ZNF423: variants seen among roughly 807,000 people sequenced by gnomAD.
ZNF423 encodes Ebf-associated zinc finger protein.
In ZNF423, 12 loss-of-function variants were observed where a neutral mutation model predicts 95.8. The observed-to-expected ratio is 0.13, with a 90% CI of 0.08 to 0.20. ZNF423 has a LOEUF of 0.20. ZNF423 is among the 10% of genes least tolerant of loss of function. The pLI is 1.00. For missense variants in ZNF423, 1,316 were observed against 1,737.1 expected (o/e 0.76, Z 4.31); for synonymous variants, 749 against 711.9 (o/e 1.05, Z -0.83).
chr16:49,731,059 AT>A, intron 2 of ZNF423, 88 bp from the exon 3 acceptor site: 1 of 1,438,808 alleles, frequency 7.0e-7, no homozygotes, highest in Non-Finnish European at 9.6e-7. Context: ...ATTAAGATAC[AT>A]TTAATTACTC....
intron 3 of ZNF423, among the ~76,000 whole-genome samples, chr16:49,688,183 G>T (rs1436258823): frequency 2.0e-5 from 3 of 151,580 alleles, no homozygotes; most frequent in Non-Finnish European, 2.9e-5. Flanking sequence ...TTTGAGCTCA[G>T]CGGCAGAAAA....
chr16:49,529,011 G>A (rs753085740), intron 5 of ZNF423, among the ~76,000 whole-genome samples: 12 of 151,826 alleles, frequency 7.9e-5, no homozygotes, highest in South Asian at 2.1e-4. Context: ...GTGCTCGGCC[G>A]ACACCTTGGA....
intron 3 of ZNF423, among the ~76,000 whole-genome samples, chr16:49,639,826 G>A (rs1043030189): frequency 2.0e-5 from 3 of 152,120 alleles, no homozygotes; most frequent in African/African-American, 7.2e-5. Flanking sequence ...TTGCTGGCCC[G>A]GCTAGCCTCA....
intron 1 of ZNF423, among the ~76,000 whole-genome samples, chr16:49,803,305 T>C (rs1022976827): frequency 6.6e-5 from 10 of 152,082 alleles, no homozygotes; most frequent in African/African-American, 2.4e-4. Context: ...CTATTATCAA[T>C]GATGGCCTGA....
intron 1 of ZNF423, among the ~76,000 whole-genome samples, chr16:49,813,178 T>G (rs1234834516): frequency 6.6e-6 from 1 of 152,022 alleles, no homozygotes; most frequent in Non-Finnish European, 1.5e-5. Context: ...TAGACTGGAC[T>G]TCCCCCAAAT....
chr16:49,550,354 C>T (rs927595452), intron 5 of ZNF423, among the ~76,000 whole-genome samples: 3 of 152,256 alleles, frequency 2.0e-5, no homozygotes, highest in Non-Finnish European at 4.4e-5. Context: ...TGTTCTGCTC[C>T]GCCCTACTGT....
intron 3 of ZNF423, among the ~76,000 whole-genome samples, chr16:49,678,983 C>G (rs911864122): frequency 5.9e-5 from 9 of 152,228 alleles, no homozygotes; most frequent in Admixed American, 1.3e-4. Context: ...GGGCCTCAGT[C>G]AACCCAGTGG....
chr16:49,769,440 A>T (rs2033991917), intron 2 of ZNF423, among the ~76,000 whole-genome samples: 1 of 151,994 alleles, frequency 6.6e-6, no homozygotes, highest in African/African-American at 2.4e-5. Context: ...ACCTCTGCTT[A>T]CCTCCTGACC....
chr16:49,539,184 C>T (rs1448575355), intron 5 of ZNF423, among the ~76,000 whole-genome samples: 4 of 152,158 alleles, frequency 2.6e-5, no homozygotes, highest in African/African-American at 9.7e-5. Flanking sequence ...TGGACACCAG[C>T]CCTGGAGCAT....
chr16:49,757,167 CA>C (rs1287550526), intron 2 of ZNF423, among the ~76,000 whole-genome samples: 2 of 152,216 alleles, frequency 1.3e-5, no homozygotes, highest in East Asian at 3.9e-4. Context: ...ACAACAAAGA[CA>C]AAAAAATAGA....
At chr16:49,704,483 T>A (rs778576594) in intron 3 of ZNF423, among the ~76,000 whole-genome samples, 1 of 152,168 alleles carries the variant, frequency 6.6e-6, no homozygotes, top group Non-Finnish European at 1.5e-5. Context: ...AGGAAGCCCA[T>A]TAGTCAGTCA....
intron 7 of ZNF423, among the ~76,000 whole-genome samples, chr16:49,499,897 C>A (rs1322829180): frequency 1.3e-5 from 2 of 152,154 alleles, no homozygotes; most frequent in Non-Finnish European, 2.9e-5. Context: ...AGCCCGTAAA[C>A]AGGCTCCCAT....
rs946864539 is a variant in ZNF423, at chr16:49,638,404, G to A, written c.772C>T (p.His258Tyr). ...GCTTCCTTCTCCGACTTGGCCAGAT[G>A]CTCCTTGTTCTTTTTGTGGGCCTGC... ...HMQAHKKNKE[H>Y]LAKSEKEAKK... The change falls in exon 4 of 8, where the codon CAT becomes TAT. Residue 258 changes from histidine (H) to tyrosine (Y), a missense_variant. This residue lies in a region of ZNF423 where 399 missense variants were observed against 478.5 expected (regional missense o/e 0.83). Coordinates refer to ENST00000563137, the MANE Select transcript of ZNF423 (RefSeq NM_001379286.1). The surrounding 1 kb of genome is among the most constrained non-coding windows in gnomAD (Gnocchi z 5.6). 1.2e-6 allele frequency: 2 copies of A among 1,613,834 alleles called. No homozygotes were observed. Among genetic ancestry groups the A allele is most frequent in the African/African-American group, 2.7e-5 (2 of 74,908 alleles).
At position 49,748,531 on chromosome 16, in the gene ZNF423, G is replaced by A. The variant is rs371602038; in HGVS notation, c.101-17560C>T. Reference sequence around the variant, plus strand: ...CCCCTTCCAGGAGTGCACATCGAACGGAAAAAATTACTCCAACTCTCTCCG... The same window carrying A: ...CCCCTTCCAGGAGTGCACATCGAACAGAAAAAATTACTCCAACTCTCTCCG... On this transcript the variant is annotated intron_variant, in intron 2 of 7. Transcript: ENST00000563137. Among the ~76,000 whole-genome samples the A allele has an allele frequency of 7.2e-5, 11 of 152,240 alleles. No individual in the cohort carries two copies. The South Asian group carries it at 1.0e-3, about 14-fold the overall frequency.
intron 1 of ZNF423, among the ~76,000 whole-genome samples, chr16:49,813,530 G>A (rs77732004): frequency 0.016 from 2,469 of 152,282 alleles, 32 homozygotes; most frequent in Non-Finnish European, 0.025. Context: ...ATCTGCCCAG[G>A]GATTGATCCT....
chr16:49,515,490 G>A (rs1968095682), intron 7 of ZNF423, among the ~76,000 whole-genome samples: 2 of 152,246 alleles, frequency 1.3e-5, no homozygotes, highest in Non-Finnish European at 2.9e-5. Context: ...GTGTGGCTCT[G>A]CCATTTGCAA....
chr16:49,566,875 C>A (rs1013171889), intron 5 of ZNF423, among the ~76,000 whole-genome samples: 1 of 151,930 alleles, frequency 6.6e-6, no homozygotes, highest in Non-Finnish European at 1.5e-5. Flanking sequence ...AACCTTGAGA[C>A]AGGGTAGCCT....
chr16:49,503,588 C>T (rs1005278209), intron 7 of ZNF423, among the ~76,000 whole-genome samples: 4 of 152,200 alleles, frequency 2.6e-5, no homozygotes, highest in African/African-American at 9.6e-5. Flanking sequence ...CTGGAGCAGG[C>T]TTCCTGTCCG....
rs1967024376 is a variant in ZNF423 at position 49,492,819 on chromosome 16, G to A, written c.3850-1515C>T. ...TTAAGATGAAGACACCGAGGCCTAGGAAGGCAAAAATTACAGGCCCAAGGT... is the reference window on the plus strand; with the variant it reads ...TTAAGATGAAGACACCGAGGCCTAGAAAGGCAAAAATTACAGGCCCAAGGT... On this transcript the variant is annotated intron_variant, in intron 7 of 7. Transcript: ENST00000563137. This position sits in a 1 kb window ranked among gnomAD's most constrained non-coding sequence, Gnocchi z 4.2. Among the ~76,000 whole-genome samples the A allele has an allele frequency of 6.6e-6, 1 of 152,190 alleles. No individual in the cohort carries two copies. Among genetic ancestry groups the A allele is most frequent in the African/African-American group, 2.4e-5 (1 of 41,448 alleles).
Sources: allele counts gnomAD v4.1 joint callset (sites outside exome capture counted in the v4.1 genomes callset), GRCh38; gene constraint gnomAD v4.1.1; regional missense constraint gnomAD v4.1.1; non-coding constraint Gnocchi (gnomAD v3.1); transcripts MANE v1.5; gene names NCBI Gene and HGNC (gene_info 2026-07-23, HGNC 2026-07-21).